CHCHD3: variants seen among roughly 807,000 people sequenced by gnomAD.
The protein encoded by CHCHD3 is coiled-coil-helix-coiled-coil-helix domain containing 3, also known as MICOS complex subunit MIC19.
A neutral mutation model predicts 38.2 loss-of-function variants in CHCHD3; 20 were observed. The ratio of observed to expected loss-of-function variants is 0.52; its 90% CI spans 0.37 to 0.76. The LOEUF (loss-of-function observed/expected upper bound fraction) is 0.76, where lower values mean the gene tolerates loss of function less well. CHCHD3 is among the 30% of genes least tolerant of loss of function. The pLI, the probability that CHCHD3 is intolerant of heterozygous loss-of-function variation, is 0.00. For synonymous variants in CHCHD3, 82 were observed against 100.0 expected, an observed-to-expected ratio of 0.82 and a Z score of 1.07; for missense variants, 245 against 279.2, an observed-to-expected ratio of 0.88 and a Z score of 0.87.
intron 5 of CHCHD3, among the ~76,000 whole-genome samples, chr7:132,870,549 A>AT (rs944904684): frequency 2.6e-5 from 4 of 151,968 alleles, no homozygotes; most frequent in Non-Finnish European, 5.9e-5. Flanking sequence ...AACACATAAT[A>AT]TTTTATTTAA....
At chr7:133,079,729 A>G (rs1196330257) in intron 1 of CHCHD3, among the ~76,000 whole-genome samples, 1 of 152,260 alleles carries the variant, frequency 6.6e-6, no homozygotes, top group African/African-American at 2.4e-5. Flanking sequence ...AGATCAACTG[A>G]AAAACATCTA....
intron 4 of CHCHD3, among the ~76,000 whole-genome samples, chr7:132,912,595 C>G (rs1464518866): frequency 6.6e-6 from 1 of 152,134 alleles, no homozygotes; most frequent in Non-Finnish European, 1.5e-5. Flanking sequence ...CACTCTGTTA[C>G]CCAGGCTGGA....
At chr7:132,789,805 T>C (rs940828530) in intron 7 of CHCHD3, among the ~76,000 whole-genome samples, 3 of 150,838 alleles carry the variant, frequency 2.0e-5, no homozygotes, top group Non-Finnish European at 4.4e-5. Flanking sequence ...TAAAGCTGGG[T>C]AGAGAAGCAG....
At chr7:133,012,894 A>T (rs1435320039) in intron 3 of CHCHD3, among the ~76,000 whole-genome samples, 2 of 151,140 alleles carry the variant, frequency 1.3e-5, no homozygotes, top group Non-Finnish European at 3.0e-5. Context: ...AACCGACATC[A>T]AAAGGTCAGG....
At chr7:133,001,337 A>G (rs1457359897) in intron 3 of CHCHD3, among the ~76,000 whole-genome samples, 2 of 152,122 alleles carry the variant, frequency 1.3e-5, no homozygotes, top group Non-Finnish European at 2.9e-5. Flanking sequence ...TTTCTCTCAC[A>G]TCTAACACTG....
chr7:132,824,529 T>C (rs1220558624), intron 6 of CHCHD3, among the ~76,000 whole-genome samples: 1 of 152,098 alleles, frequency 6.6e-6, no homozygotes, highest in African/African-American at 2.4e-5. Flanking sequence ...TTAGCCAGGA[T>C]GGTCTCGATT....
At chr7:132,794,929 G>A (rs899946129) in intron 7 of CHCHD3, among the ~76,000 whole-genome samples, 3 of 152,194 alleles carry the variant, frequency 2.0e-5, no homozygotes, top group Admixed American at 6.5e-5. Context: ...ACTCACTATC[G>A]CGCCATGTGG....
At position 132,993,295 on chromosome 7, in the gene CHCHD3, A is replaced by C. The variant is rs116144949; in HGVS notation, c.252-18009T>G. 5.7e-3 allele frequency among the ~76,000 whole-genome samples: 868 copies of C among 152,238 alleles called. 7 individuals carry two copies. The highest frequency in any genetic ancestry group is 0.02 in the African/African-American group (829 of 41,546). On this transcript the variant is annotated intron_variant, in intron 3 of 7. Transcript: ENST00000262570. ...CACCTCCTCTCAAACTCTTCCCTTT[A>C]TCTCCTTCTGGAATTTAGTCTAATT... is the stretch of plus-strand genomic sequence containing the variant.
intron 2 of CHCHD3, among the ~76,000 whole-genome samples, chr7:133,062,584 A>G (rs1814547474): frequency 6.6e-6 from 1 of 152,166 alleles, no homozygotes; most frequent in Admixed American, 6.5e-5. Flanking sequence ...ATTCCATTTA[A>G]AGTTAGTGTC....
intron 5 of CHCHD3, among the ~76,000 whole-genome samples, chr7:132,842,243 G>C (rs949114047): frequency 6.6e-6 from 1 of 152,114 alleles, no homozygotes; most frequent in African/African-American, 2.4e-5. Context: ...ATCCTGAAAA[G>C]GTTGGCTAAG....
chr7:132,826,602 A>C (rs925976099), intron 6 of CHCHD3, among the ~76,000 whole-genome samples: 1 of 152,252 alleles, frequency 6.6e-6, no homozygotes, highest in African/African-American at 2.4e-5. Context: ...AAATAATTTA[A>C]GGCAGGCATG....
At chr7:133,054,485 G>C (rs1814255165) in intron 2 of CHCHD3, among the ~76,000 whole-genome samples, 1 of 152,014 alleles carries the variant, frequency 6.6e-6, no homozygotes, top group South Asian at 2.1e-4. Context: ...TGTATATACG[G>C]TAAACATAAA....
At chr7:132,984,051 T>TCTCCCTCTCCCCCC (rs1562929105) in intron 3 of CHCHD3, among the ~76,000 whole-genome samples, 2 of 92,410 alleles carry the variant, frequency 2.2e-5, no homozygotes, top group African/African-American at 7.3e-5. Context: ...CCTCTCCCCA[T>TCTCCCTCTCCCCCC]GGTCTCCCTC....
At chr7:133,027,387 A>AGAGAG (rs1562941602) in intron 2 of CHCHD3, among the ~76,000 whole-genome samples, 4 of 59,306 alleles carry the variant, frequency 6.7e-5, no homozygotes, top group South Asian at 1.1e-3. Flanking sequence ...GAGAGAGAGA[A>AGAGAG]AGAGAGAGAG....
intron 4 of CHCHD3, among the ~76,000 whole-genome samples, chr7:132,904,588 A>G (rs1809749970): frequency 6.6e-6 from 1 of 152,190 alleles, no homozygotes; most frequent in Admixed American, 6.5e-5. Flanking sequence ...AAGTCAGGAA[A>G]CAACAGGTGC....
intron 4 of CHCHD3, among the ~76,000 whole-genome samples, chr7:132,910,306 T>A (rs1809911440): frequency 6.6e-6 from 1 of 152,174 alleles, no homozygotes. Flanking sequence ...TGCAACTCCA[T>A]AACAAGTGCC....
At chr7:132,904,468 C>T (rs1230497300) in intron 4 of CHCHD3, among the ~76,000 whole-genome samples, 2 of 152,116 alleles carry the variant, frequency 1.3e-5, no homozygotes, top group Non-Finnish European at 2.9e-5. Flanking sequence ...TAAAAACCTA[C>T]CTGCAAATGA....
intron 2 of CHCHD3, among the ~76,000 whole-genome samples, chr7:133,046,517 G>A (rs1813986017): frequency 6.6e-6 from 1 of 152,056 alleles, no homozygotes; most frequent in African/African-American, 2.4e-5. Context: ...TTACAAACTT[G>A]GGTTTTTTTA....
intron 6 of CHCHD3, among the ~76,000 whole-genome samples, 155 bp downstream of exon 6, chr7:132,838,244 T>C (rs979542544): frequency 6.6e-6 from 1 of 152,170 alleles, no homozygotes; most frequent in African/African-American, 2.4e-5. Flanking sequence ...AATTCCAGTA[T>C]AGCAGATAAC....
Sources: gnomAD v4.1 joint callset for allele counts (sites outside exome capture counted in the v4.1 genomes callset) on GRCh38, gnomAD v4.1.1 for gene constraint, MANE v1.5 for transcripts, NCBI Gene and HGNC (gene_info 2026-07-23, HGNC 2026-07-21) for gene names.